CACNA1B: variants seen among roughly 807,000 people sequenced by gnomAD.
CACNA1B encodes the protein calcium voltage-gated channel subunit alpha1 B, also known as voltage-dependent N-type calcium channel subunit alpha-1B.
A neutral mutation model predicts 247.2 loss-of-function variants in CACNA1B; 70 were observed. The observed-to-expected ratio is 0.28, with a 90% confidence interval of 0.23 to 0.35. The LOEUF is 0.35. CACNA1B is among the 10% of genes least tolerant of loss of function. The probability of loss-of-function intolerance (pLI) is 1.00; values close to 1 mark genes in which losing one functional copy is unlikely to be tolerated. For synonymous variants in CACNA1B, 1,231 were observed against 1,294.4 expected (o/e 0.95, Z 1.05); for missense variants, 2,367 against 3,197.4 (o/e 0.74, Z 6.26).
In CACNA1B at chr9:137,926,335, TG is replaced by T. The variant is rs1217231068; in HGVS notation, c.966+8907del. Among the ~76,000 whole-genome samples, 6 of 152,212 alleles carry T rather than the reference TG, an allele frequency of 3.9e-5. No individual in the cohort carries two copies. In the East Asian group the frequency reaches 1.2e-3, roughly 29 times the overall value. On this transcript the variant is annotated intron_variant, in intron 6 of 46. Transcript: ENST00000371372. The stretch of plus-strand genomic sequence containing the variant: ...CACCTGCCTCAGCCTCCCAAAGTGC[TG>T]GGATTACAGGTGTAAGCCACTGCGC...
rs1957353879 is a variant in CACNA1B, at chr9:137,910,983, C to T, written c.531-2197C>T. Reference sequence around the variant, plus strand: ...AAATCCAATGTTATGAATATTTTCCCCTATGTTTCTTCTAAGAGTTTTCTA... The same window carrying T: ...AAATCCAATGTTATGAATATTTTCCTCTATGTTTCTTCTAAGAGTTTTCTA... On this transcript the variant is annotated intron_variant, in intron 3 of 46. Transcript: ENST00000371372. Among the ~76,000 whole-genome samples the T allele has an allele frequency of 3.3e-5, 5 of 151,966 alleles. No individual in the cohort carries two copies. The South Asian group carries it at 1.0e-3, about 32-fold the overall frequency.
At chr9:137,982,782 C>G (rs545819214) in intron 12 of CACNA1B, among the ~76,000 whole-genome samples, 1 of 152,332 alleles carries the variant, frequency 6.6e-6, no homozygotes, top group East Asian at 1.9e-4. Flanking sequence ...ACAGATGGCA[C>G]TCTTGGCAAG....
chr9:138,114,163 AG>A (rs1392996394), intron 40 of CACNA1B, among the ~76,000 whole-genome samples: 1 of 152,118 alleles, frequency 6.6e-6, no homozygotes, highest in East Asian at 1.9e-4. Flanking sequence ...GGCAGTCAGG[AG>A]GGCCAGGTCA....
chr9:137,970,667 G>T (rs1434301984), intron 10 of CACNA1B, among the ~76,000 whole-genome samples: 3 of 152,178 alleles, frequency 2.0e-5, no homozygotes, highest in African/African-American at 4.8e-5. Context: ...AGACTTGAAA[G>T]TGTGTGGGAA....
chr9:137,902,706 T>A (rs1409593178), intron 3 of CACNA1B, among the ~76,000 whole-genome samples: 4 of 152,212 alleles, frequency 2.6e-5, no homozygotes, highest in Admixed American at 6.5e-5. Flanking sequence ...TCCAAGCTTT[T>A]TCGGTGTGTA....
At chr9:137,959,529 GA>G (rs1313345465) in intron 10 of CACNA1B, among the ~76,000 whole-genome samples, 1 of 151,694 alleles carries the variant, frequency 6.6e-6, no homozygotes, top group Non-Finnish European at 1.5e-5. Context: ...AATAACACTG[GA>G]ATTATCTTTT....
intron 15 of CACNA1B, 144 bp from the exon 16 acceptor site, chr9:138,006,623 A>C: frequency 1.6e-6 from 1 of 635,402 alleles, no homozygotes; most frequent in East Asian, 2.8e-5. Flanking sequence ...CGGAGACAGC[A>C]TCATCTAAAG....
rs573433772 is a variant in CACNA1B, at chr9:138,069,814, C to G, written c.4674+51C>G. On this transcript the variant is annotated intron_variant, in intron 32 of 46. Coordinates refer to ENST00000371372, the MANE Select transcript of CACNA1B (RefSeq NM_000718.4). ...CTTGCAAGTCCTTGCTTTGCTCGCT[C>G]TGCTCCTCTCCTGCTCTCTGGTTCC... The G allele has an allele frequency of 8.1e-5, 127 of 1,561,026 alleles. 1 individual carries two copies. The South Asian group carries it at 1.1e-3, about 13-fold the overall frequency.
At chr9:138,048,346 T>A (rs925704730) in intron 23 of CACNA1B, among the ~76,000 whole-genome samples, 2 of 152,120 alleles carry the variant, frequency 1.3e-5, no homozygotes, top group Admixed American at 1.3e-4. Context: ...AGCTCTGAGC[T>A]CCCTGGGGCC....
intron 2 of CACNA1B, among the ~76,000 whole-genome samples, chr9:137,879,515 T>A: frequency 6.6e-6 from 1 of 152,162 alleles, no homozygotes; most frequent in East Asian, 1.9e-4. Flanking sequence ...GAAGGTCAGC[T>A]CTGAATGCCA....
rs753042523 is a variant in CACNA1B, at chr9:138,073,475, C to G, written c.4675-13C>G. The G allele has an allele frequency of 1.9e-6, 3 of 1,554,938 alleles. No homozygotes were observed. The highest frequency in any genetic ancestry group is 2.2e-5 in the East Asian group (1 of 44,636). On this transcript the variant is annotated splice_polypyrimidine_tract_variant and intron_variant, in intron 32 of 46. Coordinates refer to ENST00000371372, the MANE Select transcript of CACNA1B (RefSeq NM_000718.4). The surrounding 1 kb of genome is among the most constrained non-coding windows in gnomAD (Gnocchi z 6.4). ...GCTTCTGAAGGTCAGAGAACAATTC[C>G]TCTTCTCTGCAGAACAATTTCATCA...
chr9:138,034,113 T>G (rs1959015546), intron 20 of CACNA1B, among the ~76,000 whole-genome samples: 1 of 152,304 alleles, frequency 6.6e-6, no homozygotes, highest in Admixed American at 6.5e-5. Context: ...CTTGTTACTG[T>G]TCCCCAGCTG....
rs1042576368 is a variant in CACNA1B at position 137,986,728 on chromosome 9, G to A, written c.1902-54G>A. 1.0e-5 allele frequency: 15 copies of A among 1,474,740 alleles called. No homozygotes were observed. Among genetic ancestry groups the A allele is most frequent in the Admixed American group, 3.3e-5 (2 of 59,880 alleles). 91.4% of individuals were successfully genotyped at this position (1,474,740 alleles called of 1,614,324 possible). On this transcript the variant is annotated intron_variant, in intron 14 of 46. Coordinates refer to ENST00000371372, the MANE Select transcript of CACNA1B (RefSeq NM_000718.4). This position sits in a 1 kb window ranked among gnomAD's most constrained non-coding sequence, Gnocchi z 6.0. ...TGAGGCCACGCTGGAGCCTGCAGGCGCTGCCTCGCTGCTGACGGGACTGCC... is the reference window on the plus strand; with the variant it reads ...TGAGGCCACGCTGGAGCCTGCAGGCACTGCCTCGCTGCTGACGGGACTGCC...
rs1215474352 is a variant in CACNA1B, at chr9:137,881,970, TC to T, written c.391-771del. 1.3e-5 allele frequency among the ~76,000 whole-genome samples: 2 copies of T among 152,156 alleles called. No homozygotes were observed. Among genetic ancestry groups the T allele is most frequent in the East Asian group, 3.8e-4 (2 of 5,198 alleles). On this transcript the variant is annotated intron_variant, in intron 2 of 46. Transcript: ENST00000371372. This position sits in a 1 kb window ranked among gnomAD's most constrained non-coding sequence, Gnocchi z 4.3. Reference sequence around the variant, plus strand: ...GCAGGCGCCACGCCCTCTGGGAGGCTCCCTGCGGTCTGAGCCCAGGGTGGCT... The same window carrying T: ...GCAGGCGCCACGCCCTCTGGGAGGCTCCTGCGGTCTGAGCCCAGGGTGGCT...
intron 11 of CACNA1B, among the ~76,000 whole-genome samples, chr9:137,975,229 A>G (rs1589043515): frequency 6.6e-6 from 1 of 151,936 alleles, no homozygotes; most frequent in Non-Finnish European, 1.5e-5. Context: ...GCCCCCCTCC[A>G]CTGCTGCTGT....
At chr9:138,022,010 AGGCCCAGAATGCAAAG>A (rs1367997422) in intron 18 of CACNA1B, among the ~76,000 whole-genome samples, 1 of 152,236 alleles carries the variant, frequency 6.6e-6, no homozygotes, top group Non-Finnish European at 1.5e-5. Context: ...ACTCAGCAGA[AGGCCCAGAATGCAAAG>A]GGCTTCCTGT....
At chr9:137,892,826 G>A (rs1588986043) in intron 3 of CACNA1B, among the ~76,000 whole-genome samples, 1 of 152,360 alleles carries the variant, frequency 6.6e-6, no homozygotes, top group Middle Eastern at 3.4e-3. Flanking sequence ...TCAGCACTGG[G>A]TGGAATTCGA....
intron 6 of CACNA1B, among the ~76,000 whole-genome samples, chr9:137,943,143 G>A (rs1957753053): frequency 6.6e-6 from 1 of 151,528 alleles, no homozygotes; most frequent in South Asian, 2.1e-4. Flanking sequence ...GCTGTTTCTG[G>A]ATCAGTATTT....
At position 137,971,553 on chromosome 9, in the gene CACNA1B, G is replaced by A. The variant is rs1418632714; in HGVS notation, c.1504G>A (p.Val502Met). The change falls in exon 11 of 47, where the codon GTG becomes ATG. Residue 502 changes from valine (V) to methionine (M), a missense_variant. Val to Met is a conservative substitution (Grantham distance 21). Around this residue, in one of 12 missense-constraint regions of CACNA1B, gnomAD observed 219 missense variants for 297.6 expected, o/e 0.74. Coordinates refer to ENST00000371372, the MANE Select transcript of CACNA1B (RefSeq NM_000718.4). The surrounding 1 kb of genome is among the most constrained non-coding windows in gnomAD (Gnocchi z 4.4). The stretch of plus-strand genomic sequence containing the variant: ...CCTGAACACACTGTGTGTGGCCATG[G>A]TGCATTACAACCAGCCGCGGCGGCT... Reference protein sequence around the residue: ...VALNTLCVAMVHYNQPRRLTT... With the variant: ...VALNTLCVAMMHYNQPRRLTT... 1.9e-6 allele frequency: 3 copies of A among 1,613,608 alleles called. No individual in the cohort carries two copies. The highest frequency in any genetic ancestry group is 2.5e-6 in the Non-Finnish European group (3 of 1,179,784).
Sources: allele counts gnomAD v4.1 joint callset (sites outside exome capture counted in the v4.1 genomes callset), GRCh38; gene constraint gnomAD v4.1.1; regional missense constraint gnomAD v4.1.1; non-coding constraint Gnocchi (gnomAD v3.1); transcripts MANE v1.5; gene names NCBI Gene and HGNC (gene_info 2026-07-23, HGNC 2026-07-21).